Variants in ANO6 observed in about 807,000 individuals in gnomAD.
ANO6 encodes the protein anoctamin-6.
ANO6 carries 106 observed loss-of-function variants against 117.5 expected under a neutral mutation model. The ratio of observed to expected loss-of-function variants is 0.90; its 90% confidence interval spans 0.77 to 1.06. The LOEUF (loss-of-function observed/expected upper bound fraction) is 1.06, where lower values mean the gene tolerates loss of function less well. ANO6 is among the 50% of genes least tolerant of loss of function. The probability of loss-of-function intolerance (pLI) is 0.00; values close to 1 mark genes in which losing one functional copy is unlikely to be tolerated. For synonymous variants in ANO6, 367 were observed against 385.1 expected, an observed-to-expected ratio of 0.95 and a Z score of 0.55; for missense variants, 955 against 1,121.1, an observed-to-expected ratio of 0.85 and a Z score of 2.12.
Position 45,331,424 on chromosome 12 carries a change from G to A in ANO6, c.279+1G>A. On this transcript the variant is annotated splice_donor_variant, in intron 3 of 19. Coordinates refer to ENST00000320560, the MANE Select transcript of ANO6 (RefSeq NM_001025356.3). LOFTEE classifies it high-confidence loss of function. Reference sequence around the variant, plus strand: ...AAAGGGTACAAATGAAAAACAAAGGGTAAGTTTTTATGCTATTTTCCTTTC... The same window carrying A: ...AAAGGGTACAAATGAAAAACAAAGGATAAGTTTTTATGCTATTTTCCTTTC... The A allele has an allele frequency of 6.2e-7, 1 of 1,600,958 alleles. No homozygotes were observed. Among genetic ancestry groups the A allele is most frequent in the Non-Finnish European group, 8.5e-7 (1 of 1,172,838 alleles).
chr12:45,411,212 T>C (rs566996484), intron 16 of ANO6, among the ~76,000 whole-genome samples: 1 of 152,344 alleles, frequency 6.6e-6, no homozygotes, highest in African/African-American at 2.4e-5. Flanking sequence ...AGTTATATGG[T>C]CATGTGCTTT....
intron 9 of ANO6, among the ~76,000 whole-genome samples, chr12:45,370,918 C>T (rs1282987936): frequency 6.6e-6 from 1 of 152,152 alleles, no homozygotes; most frequent in Non-Finnish European, 1.5e-5. Context: ...ACGCAGGAGA[C>T]GGGTGATTTC....
chr12:45,428,759 CATT>C (rs1000228525), intron 19 of ANO6, among the ~76,000 whole-genome samples: 1 of 152,110 alleles, frequency 6.6e-6, no homozygotes, highest in African/African-American at 2.4e-5. Flanking sequence ...AGTGCAAGGC[CATT>C]AGAAAAAGAG....
At chr12:45,390,010 AC>A (rs1329997729) in intron 11 of ANO6, among the ~76,000 whole-genome samples, 1 of 152,238 alleles carries the variant, frequency 6.6e-6, no homozygotes, top group Non-Finnish European at 1.5e-5. Flanking sequence ...ATAAAGCCCA[AC>A]CAAGAAACAC....
rs536820660 is a variant in ANO6 at position 45,265,560 on chromosome 12, A to G, written c.71-36454A>G. Among the ~76,000 whole-genome samples the G allele has an allele frequency of 2.6e-5, 4 of 152,294 alleles. No individual in the cohort carries two copies. In the East Asian group the frequency reaches 5.8e-4, roughly 22 times the overall value. ...TCCATTTAATATTCACAGCAGCCCTATGAACAGAGGTAGTATGATGCCTAT... is the reference window on the plus strand; with the variant it reads ...TCCATTTAATATTCACAGCAGCCCTGTGAACAGAGGTAGTATGATGCCTAT... On this transcript the variant is annotated intron_variant, in intron 1 of 19. Transcript: ENST00000320560.
chr12:45,312,034 A>G (rs1046355134), intron 2 of ANO6, among the ~76,000 whole-genome samples: 1 of 152,046 alleles, frequency 6.6e-6, no homozygotes, highest in Non-Finnish European at 1.5e-5. Context: ...CACTATTTCC[A>G]GAAATCCTTT....
intron 9 of ANO6, among the ~76,000 whole-genome samples, chr12:45,370,807 C>T (rs1048855869): frequency 6.6e-6 from 1 of 152,158 alleles, no homozygotes; most frequent in African/African-American, 2.4e-5. Flanking sequence ...AGCAGGCACG[C>T]ATTTATTGTC....
At chr12:45,242,536 G>A (rs1947762120) in intron 1 of ANO6, among the ~76,000 whole-genome samples, 1 of 152,242 alleles carries the variant, frequency 6.6e-6, no homozygotes, top group Admixed American at 6.5e-5. Flanking sequence ...TCCTGGGTGA[G>A]GCGACGCCCT....
intron 17 of ANO6, among the ~76,000 whole-genome samples, chr12:45,420,420 A>AGGCTAGACAACATAGTAAGACCCTAT (rs377510660): frequency 0.017 from 2,656 of 152,044 alleles, 74 homozygotes; most frequent in African/African-American, 0.061. Context: ...GTTCCAGACT[A>AGGCTAGACAACATAGTAAGACCCTAT]GGCTAGACAA....
At chr12:45,317,556 A>G (rs1370578407) in intron 2 of ANO6, among the ~76,000 whole-genome samples, 1 of 151,680 alleles carries the variant, frequency 6.6e-6, no homozygotes, top group Non-Finnish European at 1.5e-5. Flanking sequence ...AGTCTTTGCT[A>G]TTGTGAATAG....
At chr12:45,383,419 T>C (rs907722587) in intron 10 of ANO6, 3 of 152,466 alleles carry the variant, frequency 2.0e-5, no homozygotes, top group Admixed American at 6.5e-5. Context: ...CCATGAATTA[T>C]AAATGTCCTT....
intron 12 of ANO6, among the ~76,000 whole-genome samples, chr12:45,393,854 A>T (rs1334112251): frequency 2.0e-5 from 3 of 152,222 alleles, no homozygotes; most frequent in Non-Finnish European, 4.4e-5. Flanking sequence ...AGCACTAAAC[A>T]TGGAAAGGAA....
At chr12:45,337,976 G>T (rs1940875433) in intron 3 of ANO6, among the ~76,000 whole-genome samples, 2 of 151,972 alleles carry the variant, frequency 1.3e-5, no homozygotes, top group African/African-American at 4.8e-5. Flanking sequence ...TATCAAGAAT[G>T]AAAGTAATTA....
intron 1 of ANO6, among the ~76,000 whole-genome samples, chr12:45,267,556 G>A (rs1301859327): frequency 2.6e-5 from 4 of 152,106 alleles, no homozygotes; most frequent in African/African-American, 7.2e-5. Context: ...TTGGGAGGCC[G>A]AGGCGGGTGG....
At chr12:45,227,752 A>G (rs927971940) in intron 1 of ANO6, among the ~76,000 whole-genome samples, 2 of 152,264 alleles carry the variant, frequency 1.3e-5, no homozygotes, top group East Asian at 1.9e-4. Flanking sequence ...GAACTGCTCA[A>G]TAGTGGTATT....
intron 1 of ANO6, among the ~76,000 whole-genome samples, chr12:45,216,774 C>T (rs1054486808): frequency 1.3e-5 from 2 of 152,242 alleles, no homozygotes; most frequent in Admixed American, 1.3e-4. Context: ...GGCGAGCCCC[C>T]TGGGCGGGGT....
At chr12:45,279,921 A>G (rs905840540) in intron 1 of ANO6, among the ~76,000 whole-genome samples, 1 of 152,206 alleles carries the variant, frequency 6.6e-6, no homozygotes, top group African/African-American at 2.4e-5. Context: ...AAGTCAGGTA[A>G]AATTGCAACC....
chr12:45,438,251 ATGTG>A (rs58453929), intron 19 of ANO6, among the ~76,000 whole-genome samples: 12,953 of 146,692 alleles, frequency 0.088, 760 homozygotes, highest in East Asian at 0.3. Flanking sequence ...ATTTGCGTGT[ATGTG>A]TGTGTGTGTG....
chr12:45,439,749 C>G (rs1943749850), exon 20 of ANO6: 1 of 1,546,704 alleles, frequency 6.5e-7, no homozygotes, highest in Non-Finnish European at 8.7e-7. Flanking sequence ...TCCCAGTTGA[C>G]TGCTGTATGT....
Sources: allele counts gnomAD v4.1 joint callset (sites outside exome capture counted in the v4.1 genomes callset), GRCh38; gene constraint gnomAD v4.1.1; transcripts MANE v1.5; gene names NCBI Gene and HGNC (gene_info 2026-07-23, HGNC 2026-07-21).